BRDT: variants seen among roughly 807,000 people sequenced by gnomAD.
The protein encoded by BRDT is bromodomain testis associated.
In BRDT, 77 loss-of-function variants were observed where a neutral mutation model predicts 113.9. That is an observed-to-expected ratio of 0.68 (90% CI 0.56 to 0.82). The LOEUF is 0.82. BRDT is among the 40% of genes least tolerant of loss of function. The pLI is 0.00. For missense variants in BRDT, 1,027 were observed against 1,105.4 expected (o/e 0.93, Z 1.01); for synonymous variants, 358 against 366.5 (o/e 0.98, Z 0.26).
chr1:91,967,491 C>T (rs1435371317), intron 3 of BRDT, among the ~76,000 whole-genome samples: 4 of 151,826 alleles, frequency 2.6e-5, no homozygotes, highest in East Asian at 3.9e-4. Flanking sequence ...CTCTGCCTCC[C>T]GGGTTCAAGC....
intron 1 of BRDT, among the ~76,000 whole-genome samples, chr1:91,958,172 C>G (rs1375249550): frequency 6.7e-6 from 1 of 149,830 alleles, no homozygotes; most frequent in African/African-American, 2.4e-5. Context: ...GAACGACATT[C>G]AGGCTTTCAC....
In BRDT at chr1:92,014,291, T is replaced by C. The variant is rs756909812; in HGVS notation, c.*17T>C. 3.3e-5 allele frequency: 50 copies of C among 1,529,566 alleles called. No homozygotes were observed. The East Asian group carries it at 1.1e-3, about 33-fold the overall frequency. 94.7% of individuals were successfully genotyped at this position (1,529,566 alleles called of 1,614,324 possible). On this transcript the variant is annotated 3_prime_UTR_variant, in exon 19 of 19. Coordinates refer to ENST00000399546, the MANE Select transcript of BRDT (RefSeq NM_207189.4). ...TTTGATTAAAACTCAGTTTTTAAAT[T>C]AACCATCAACTTAAAATGAATGGTA...
intron 6 of BRDT, among the ~76,000 whole-genome samples, chr1:91,977,793 T>G (rs1684301197): frequency 6.6e-6 from 1 of 151,596 alleles, no homozygotes; most frequent in African/African-American, 2.4e-5. Context: ...CACTTGAACC[T>G]GGGAGGAGGA....
At chr1:91,981,848 C>A in intron 12 of BRDT, 93 bp downstream of exon 12, 1 of 1,405,894 alleles carries the variant, frequency 7.1e-7, no homozygotes, top group East Asian at 2.5e-5. Context: ...TGTTACTTAC[C>A]CAGAATCCAT....
chr1:91,967,031 T>C (rs180680820), intron 3 of BRDT, among the ~76,000 whole-genome samples: 96 of 152,232 alleles, frequency 6.3e-4, no homozygotes, highest in Middle Eastern at 3.4e-3. Context: ...ATTGCGCCAC[T>C]GTACTCCAGC....
Position 91,964,762 on chromosome 1 carries a change from A to C in BRDT, c.328A>C (p.Lys110Gln). 1 of 1,475,642 alleles carries C rather than the reference A, an allele frequency of 6.8e-7. No individual in the cohort carries two copies. The highest frequency in any genetic ancestry group is 9.2e-7 in the Non-Finnish European group (1 of 1,091,252). 91.4% of individuals were successfully genotyped at this position (1,475,642 alleles called of 1,614,324 possible). ...TMFSNCYLYNKPGDDIVLMAQ... is the reference protein window; with the variant it reads ...TMFSNCYLYNQPGDDIVLMAQ... ...GTTCTCAAATTGTTATTTATATAAC[A>C]AGGTATGTAAGCCTTATGTTATACT... Residue 110 changes from lysine to glutamine, a missense_variant and splice_region_variant, in exon 3 of 19, where the codon AAG becomes CAG. Physicochemically the swap from Lys to Gln is moderately conservative, Grantham distance 53 (BLOSUM62 1). Coordinates refer to ENST00000399546, the MANE Select transcript of BRDT (RefSeq NM_207189.4).
chr1:91,968,171 C>T lies in BRDT; in HGVS notation c.356C>T (p.Ala119Val), dbSNP rs777691110. ...NKPGDDIVLM[A>V]QALEKLFMQK... ...CCTGGAGATGACATTGTTCTTATGG[C>T]ACAAGCTCTAGAGAAGCTGTTTATG... The change falls in exon 4 of 19, where the codon GCA (alanine) becomes GTA (valine). Residue 119 changes from alanine to valine, a missense_variant. Coordinates refer to ENST00000399546, the MANE Select transcript of BRDT (RefSeq NM_207189.4). 7.4e-6 allele frequency: 12 copies of T among 1,613,722 alleles called. No homozygotes were observed. The East Asian group carries it at 2.7e-4, about 36-fold the overall frequency.
intron 1 of BRDT, among the ~76,000 whole-genome samples, chr1:91,954,269 G>T (rs571816853): frequency 7.5e-6 from 1 of 133,244 alleles, no homozygotes; most frequent in African/African-American, 2.7e-5. Flanking sequence ...ACGGTGCTCG[G>T]CATTTTTTTT....
rs764364357 is a variant in BRDT at position 91,980,822 on chromosome 1, A to G, written c.1460+7A>G. 2.5e-6 allele frequency: 4 copies of G among 1,589,024 alleles called. No individual in the cohort carries two copies. The highest frequency in any genetic ancestry group is 1.2e-5 in the South Asian group (1 of 85,112). ...AGGAAAAGTCCAAGAGAAAGTAAGT[A>G]TCTTTTATTATGATAGCTTATTAAG... On this transcript the variant is annotated splice_region_variant and intron_variant, in intron 9 of 18. Transcript: ENST00000399546.
rs1685717569 is a variant in BRDT at position 91,991,185 on chromosome 1, A to G, written c.2004A>G (p.Glu668=). 4 of 1,523,170 alleles carry G rather than the reference A, an allele frequency of 2.6e-6. No individual in the cohort carries two copies. The East Asian group carries it at 9.1e-5, about 35-fold the overall frequency. The allele number at this position is 1,523,170 out of a possible 1,614,324, so 94.4% of individuals were successfully genotyped here. Residue 668 remains glutamate, a splice_region_variant and synonymous_variant, in exon 13 of 19, where the codon GAA becomes GAG. Transcript: ENST00000399546. ...SSSDSSDSES[E]MFPKFTEVKP... is the part of the protein sequence containing the mutation. ...ATATTTATGTGTATACATTTGCAGA[A>G]ATGTTCCCTAAGTTTACAGAAGTAA...
chr1:91,983,325 C>T (rs999995756), intron 12 of BRDT, among the ~76,000 whole-genome samples: 1 of 144,300 alleles, frequency 6.9e-6, no homozygotes, highest in African/African-American at 2.6e-5. Flanking sequence ...AGTGCAGTGG[C>T]GCTATCTTAG....
chr1:91,998,378 G>A lies in BRDT; in HGVS notation c.2288-3671G>A, dbSNP rs146011885. Among the ~76,000 whole-genome samples, 1,250 of 152,148 alleles carry A rather than the reference G, an allele frequency of 8.2e-3. 19 individuals are homozygous for A. Among genetic ancestry groups the A allele is most frequent in the African/African-American group, 0.029 (1,186 of 41,484 alleles). On this transcript the variant is annotated intron_variant, in intron 15 of 18. Transcript: ENST00000399546. ...TTGGGGGATGGGGGGCTAGCAGAGG[G>A]GTAGCATTAGGAAAAATACCTAATG...
intron 1 of BRDT, among the ~76,000 whole-genome samples, chr1:91,960,669 G>A (rs529950887): frequency 2.9e-4 from 44 of 152,286 alleles, no homozygotes; most frequent in African/African-American, 9.6e-4. Flanking sequence ...CTTAAAAAGA[G>A]TATGGTAAAT....
At position 92,011,455 on chromosome 1, in the gene BRDT, C is replaced by T. The variant is rs115132495; in HGVS notation, c.2776-2751C>T. Among the ~76,000 whole-genome samples the T allele has an allele frequency of 5.4e-3, 820 of 151,968 alleles. 5 individuals are homozygous for T. The highest frequency in any genetic ancestry group is 0.016 in the South Asian group (78 of 4,812). Reference sequence around the variant, plus strand: ...TTTTTAGGAACTCATTGTTAAATTTCGTTAGTAGTTGACCTAAAGTCTTTC... The same window carrying T: ...TTTTTAGGAACTCATTGTTAAATTTTGTTAGTAGTTGACCTAAAGTCTTTC... On this transcript the variant is annotated intron_variant, in intron 18 of 18. Coordinates refer to ENST00000399546, the MANE Select transcript of BRDT (RefSeq NM_207189.4).
intron 12 of BRDT, among the ~76,000 whole-genome samples, chr1:91,986,963 A>C (rs916749499): frequency 4.6e-5 from 7 of 150,774 alleles, no homozygotes; most frequent in Non-Finnish European, 8.8e-5. Context: ...TTTTGGAGAC[A>C]GAGTCTCACT....
chr1:91,964,627 G>A lies in BRDT; in HGVS notation c.193G>A (p.Asp65Asn), dbSNP rs1682860942. The change falls in exon 3 of 19, where the codon GAT (aspartate) becomes AAT (asparagine). Residue 65 changes from aspartate (D) to asparagine (N), a missense_variant and splice_region_variant. By Grantham distance (23) the Asp-to-Asn change is conservative. Transcript: ENST00000399546. ...PVDAVKLQLP[D>N]YYTIIKNPMD... Reference sequence around the variant, plus strand: ...ATTTAGAATTTGTTCAAAACCATAGGATTATTATACCATTATAAAAAACCC... The same window carrying A: ...ATTTAGAATTTGTTCAAAACCATAGAATTATTATACCATTATAAAAAACCC... 2.2e-6 allele frequency: 3 copies of A among 1,380,214 alleles called. No individual in the cohort carries two copies. Among genetic ancestry groups the A allele is most frequent in the Non-Finnish European group, 3.0e-6 (3 of 1,010,334 alleles). The allele number at this position is 1,380,214 out of a possible 1,614,324, so 85.5% of individuals were successfully genotyped here. A position where few individuals can be genotyped will look rare whatever the true frequency, so the allele number is the denominator to read the frequency against.
chr1:91,981,915 TAA>T (rs1407001128), intron 12 of BRDT, among the ~76,000 whole-genome samples, 160 bp downstream of exon 12: 1 of 152,176 alleles, frequency 6.6e-6, no homozygotes, highest in African/African-American at 2.4e-5. Flanking sequence ...GTATTTTCCC[TAA>T]AAGAGATACT....
intron 8 of BRDT, 60 bp downstream of exon 8, chr1:91,979,817 T>G: frequency 2.2e-5 from 33 of 1,489,312 alleles, no homozygotes; most frequent in Non-Finnish European, 3.0e-5. Flanking sequence ...TATCAGGAAA[T>G]TTTTTCTGCA....
intron 5 of BRDT, 123 bp downstream of exon 5, chr1:91,976,561 A>G: frequency 1.1e-6 from 1 of 929,084 alleles, no homozygotes; most frequent in South Asian, 2.1e-5. Context: ...GCATCTAGCA[A>G]TCTGAAATAA....
Sources: allele counts gnomAD v4.1 joint callset (sites outside exome capture counted in the v4.1 genomes callset), GRCh38; gene constraint gnomAD v4.1.1; transcripts MANE v1.5; gene names NCBI Gene and HGNC (gene_info 2026-07-23, HGNC 2026-07-21).